The following ZNF407 variants were observed in gnomAD, a reference collection of about 807,000 sequenced individuals.
ZNF407 encodes the protein zinc finger protein 407.
ZNF407 carries 17 observed loss-of-function variants against 131.2 expected under a neutral mutation model. The observed-to-expected ratio is 0.13, with a 90% CI of 0.09 to 0.19. ZNF407 has a LOEUF of 0.19. Among genes scored for constraint, ZNF407 ranks in the 10% least tolerant of loss-of-function variants. The probability of loss-of-function intolerance (pLI) is 1.00; values close to 1 mark genes in which losing one functional copy is unlikely to be tolerated. For synonymous variants in ZNF407, 1,156 were observed against 1,062.0 expected (o/e 1.09, Z -1.72); for missense variants, 2,681 against 2,830.6 (o/e 0.95, Z 1.20).
chr18:74,785,986 G>C (rs1969703876), intron 4 of ZNF407, among the ~76,000 whole-genome samples: 2 of 152,200 alleles, frequency 1.3e-5, no homozygotes, highest in African/African-American at 4.8e-5. Context: ...TCACAGGGTT[G>C]TTTACAAGCT....
intron 3 of ZNF407, among the ~76,000 whole-genome samples, chr18:74,641,659 C>CT (rs1173917640): frequency 1.3e-5 from 2 of 152,134 alleles, no homozygotes; most frequent in Admixed American, 6.5e-5. Context: ...AACTTATTTC[C>CT]TTTTTTAGTT....
At chr18:74,902,694 G>A (rs1371007693) in intron 7 of ZNF407, among the ~76,000 whole-genome samples, 1 of 152,108 alleles carries the variant, frequency 6.6e-6, no homozygotes, top group African/African-American at 2.4e-5. Flanking sequence ...CTCTTTGCAC[G>A]ACTTAATAAA....
intron 4 of ZNF407, chr18:74,803,896 G>A (rs781000843): frequency 1.9e-5 from 29 of 1,512,752 alleles, no homozygotes; most frequent in Non-Finnish European, 2.5e-5. Flanking sequence ...AAATGTTCAC[G>A]AGAATGCTTT....
At chr18:74,925,242 A>T (rs1343558143) in intron 8 of ZNF407, among the ~76,000 whole-genome samples, 2 of 152,172 alleles carry the variant, frequency 1.3e-5, no homozygotes, top group Non-Finnish European at 2.9e-5. Flanking sequence ...GTGCAGAGTG[A>T]TAACACTTGA....
chr18:74,961,146 A>G (rs777588871), intron 8 of ZNF407, among the ~76,000 whole-genome samples: 3 of 152,198 alleles, frequency 2.0e-5, no homozygotes, highest in African/African-American at 4.8e-5. Flanking sequence ...TCTCTAGTTT[A>G]TAGCCTCTTT....
chr18:74,838,418 T>C (rs1253498090), intron 4 of ZNF407, among the ~76,000 whole-genome samples: 2 of 152,202 alleles, frequency 1.3e-5, no homozygotes, highest in Admixed American at 6.5e-5. Flanking sequence ...CTGTGAAGCT[T>C]TTACTCTGCC....
intron 4 of ZNF407, among the ~76,000 whole-genome samples, chr18:74,787,927 T>C (rs1252317495): frequency 6.6e-6 from 1 of 152,198 alleles, no homozygotes; most frequent in Non-Finnish European, 1.5e-5. Context: ...AATACATCTT[T>C]CTTTTAAGAC....
At position 74,635,835 on chromosome 18, in the gene ZNF407, T is replaced by C. The variant is rs540799188; in HGVS notation, c.4687+129T>C. On this transcript the variant is annotated intron_variant, in intron 2 of 8. Transcript: ENST00000299687. The surrounding 1 kb of genome is among the most constrained non-coding windows in gnomAD (Gnocchi z 4.7). Reference sequence around the variant, plus strand: ...TTCACATTTCACTGCCGTGTGCTGCTCTGCTTGTCTGCAATAAGTCATTGT... The same window carrying C: ...TTCACATTTCACTGCCGTGTGCTGCCCTGCTTGTCTGCAATAAGTCATTGT... 1.9e-3 allele frequency: 2,382 copies of C among 1,229,592 alleles called. 12 individuals carry two copies. Among genetic ancestry groups the C allele is most frequent in the Middle Eastern group, 0.01 (35 of 3,394 alleles). 76.2% of individuals were successfully genotyped at this position (1,229,592 alleles called of 1,614,324 possible).
rs369625776 is a variant in ZNF407, at chr18:74,635,164, C to T, written c.4145C>T (p.Thr1382Met). 45 of 1,613,796 alleles carry T rather than the reference C, an allele frequency of 2.8e-5. No individual in the cohort carries two copies. The Middle Eastern group carries it at 6.6e-4, about 24-fold the overall frequency. Residue 1382 changes from threonine (T) to methionine (M), a missense_variant, in exon 2 of 9, where the codon ACG (threonine) becomes ATG (methionine). Physicochemically the swap from Thr to Met is moderately conservative, Grantham distance 81 (BLOSUM62 -1). This residue lies in a region of ZNF407 where 1,789 missense variants were observed against 1,748.7 expected (regional missense o/e 1.02). Transcript: ENST00000299687. This position sits in a 1 kb window ranked among gnomAD's most constrained non-coding sequence, Gnocchi z 4.7. ...CAGTCTGAAGAGGGCTTGATAGCAA[C>T]GGGAGTGAGAATTAGTGAGCTGCCC... Reference protein sequence around the residue: ...IDQSEEGLIATGVRISELPLK... With the variant: ...IDQSEEGLIAMGVRISELPLK...
At chr18:74,820,306 G>A (rs781532977) in intron 4 of ZNF407, among the ~76,000 whole-genome samples, 5 of 152,200 alleles carry the variant, frequency 3.3e-5, no homozygotes, top group Non-Finnish European at 4.4e-5. Flanking sequence ...ATGATGTCTA[G>A]TAGCCATTTG....
chr18:74,980,243 C>A (rs1351820579), intron 8 of ZNF407, among the ~76,000 whole-genome samples: 1 of 148,288 alleles, frequency 6.7e-6, no homozygotes, highest in Non-Finnish European at 1.5e-5. Flanking sequence ...TCTCTGTAAC[C>A]CCTTCCCCAT....
Position 74,697,604 on chromosome 18 carries a change from G to C in ZNF407, c.4802+56482G>C, listed in dbSNP as rs146893863. Reference sequence around the variant, plus strand: ...TAGAGAAATCATATAATACATGCCAGTGTCATGTATTTGTGCCATAGAATT... The same window carrying C: ...TAGAGAAATCATATAATACATGCCACTGTCATGTATTTGTGCCATAGAATT... On this transcript the variant is annotated intron_variant, in intron 3 of 8. Coordinates refer to ENST00000299687, the MANE Select transcript of ZNF407 (RefSeq NM_017757.3). Among the ~76,000 whole-genome samples, 9 of 152,048 alleles carry C rather than the reference G, an allele frequency of 5.9e-5. No individual in the cohort carries two copies. The East Asian group carries it at 1.7e-3, about 29-fold the overall frequency.
At chr18:74,768,617 C>T (rs577406638) in intron 3 of ZNF407, among the ~76,000 whole-genome samples, 2 of 152,152 alleles carry the variant, frequency 1.3e-5, no homozygotes, top group Non-Finnish European at 2.9e-5. Context: ...TCTTGAAATA[C>T]CTAGGAATTT....
chr18:75,044,629 G>T (rs1387149119), intron 8 of ZNF407, among the ~76,000 whole-genome samples: 1 of 152,094 alleles, frequency 6.6e-6, no homozygotes, highest in Admixed American at 6.5e-5. Flanking sequence ...ACTATGGCCC[G>T]TGTCAAAAAC....
At position 75,065,002 on chromosome 18, in the gene ZNF407, A is replaced by AT. The variant is rs1262897332; in HGVS notation, c.*546dup. ...TCTTGAAGCAGTCCACTTCCATTCA[A>AT]TTTTTTTTTTTTAATTTTAGAATAA... On this transcript the variant is annotated 3_prime_UTR_variant, in exon 9 of 9. Transcript: ENST00000299687. 767 of 148,102 alleles carry AT rather than the reference A, an allele frequency of 5.2e-3. 3 individuals carry two copies. The highest frequency in any genetic ancestry group is 8.0e-3 in the Non-Finnish European group (535 of 66,562). 9.2% of individuals were successfully genotyped at this position (148,102 alleles called of 1,614,324 possible).
At chr18:74,830,902 G>C (rs1970473728) in intron 4 of ZNF407, among the ~76,000 whole-genome samples, 1 of 148,098 alleles carries the variant, frequency 6.8e-6, no homozygotes. Flanking sequence ...TTTAACCAAT[G>C]TCTCCCTATC....
At position 74,638,365 on chromosome 18, in the gene ZNF407, C is replaced by T. The variant is rs555736409; in HGVS notation, c.4688-2643C>T. ...CTTGATGAGTGAATAAATGAACGAG[C>T]AGATGAATGAATGAATGAATGAATG... On this transcript the variant is annotated intron_variant, in intron 2 of 8. Coordinates refer to ENST00000299687, the MANE Select transcript of ZNF407 (RefSeq NM_017757.3). Among the ~76,000 whole-genome samples, 37 of 148,820 alleles carry T rather than the reference C, an allele frequency of 2.5e-4. 1 individual carries two copies. Among genetic ancestry groups the T allele is most frequent in the Middle Eastern group, 3.5e-3 (1 of 286 alleles).
rs1474233571 is a variant in ZNF407, at chr18:74,635,202, G to T, written c.4183G>T (p.Ala1395Ser). Residue 1395 changes from alanine to serine, a missense_variant, in exon 2 of 9, where the codon GCT becomes TCT. By Grantham distance (99) the Ala-to-Ser change is moderately conservative (BLOSUM62 1). Coordinates refer to ENST00000299687, the MANE Select transcript of ZNF407 (RefSeq NM_017757.3). This position sits in a 1 kb window ranked among gnomAD's most constrained non-coding sequence, Gnocchi z 4.7. ...RISELPLKDCAQGVKKKKSEG... is the reference protein window; with the variant it reads ...RISELPLKDCSQGVKKKKSEG... ...TAGTGAGCTGCCCTTGAAAGACTGT[G>T]CTCAAGGTGTGAAAAAGAAGAAATC... 7 of 1,613,916 alleles carry T rather than the reference G, an allele frequency of 4.3e-6. No individual in the cohort carries two copies. Among genetic ancestry groups the T allele is most frequent in the African/African-American group, 1.3e-5 (1 of 74,932 alleles).
At chr18:74,958,479 C>G (rs1972302142) in intron 8 of ZNF407, among the ~76,000 whole-genome samples, 2 of 151,896 alleles carry the variant, frequency 1.3e-5, no homozygotes, top group Admixed American at 6.6e-5. Flanking sequence ...ATATACACAC[C>G]TGAGCTGCAT....
Sources: allele counts gnomAD v4.1 joint callset (sites outside exome capture counted in the v4.1 genomes callset), GRCh38; gene constraint gnomAD v4.1.1; regional missense constraint gnomAD v4.1.1; non-coding constraint Gnocchi (gnomAD v3.1); transcripts MANE v1.5; gene names NCBI Gene and HGNC (gene_info 2026-07-23, HGNC 2026-07-21).